CCDC91: variants seen among roughly 807,000 people sequenced by gnomAD.
CCDC91 encodes coiled-coil domain-containing protein 91.
Under a neutral mutation model 63.2 loss-of-function variants are expected in CCDC91, and 48 were observed. The observed-to-expected ratio is 0.76, with a 90% CI of 0.60 to 0.97. The LOEUF is 0.97. Among genes scored for constraint, CCDC91 ranks in the 50% least tolerant of loss-of-function variants. The pLI is 0.00. For missense variants in CCDC91, 500 were observed against 494.6 expected (o/e 1.01, Z -0.10); for synonymous variants, 167 against 165.8 (o/e 1.01, Z -0.06).
chr12:28,344,223 A>G (rs922265427), intron 6 of CCDC91, among the ~76,000 whole-genome samples: 2 of 152,122 alleles, frequency 1.3e-5, no homozygotes, highest in African/African-American at 4.8e-5. Flanking sequence ...ACTTGGAGTT[A>G]ATAAAACCAC....
At chr12:28,531,108 G>A (rs746463595) in intron 12 of CCDC91, among the ~76,000 whole-genome samples, 33 of 152,078 alleles carry the variant, frequency 2.2e-4, no homozygotes, top group Non-Finnish European at 2.2e-4. Context: ...TTTACGATTT[G>A]GAATGTTATC....
chr12:28,268,786 A>T (rs1306376963), intron 3 of CCDC91: 4 of 489,518 alleles, frequency 8.2e-6, no homozygotes, highest in Non-Finnish European at 1.1e-5. Flanking sequence ...TGAATAGTGC[A>T]ATATGAGACT....
chr12:28,373,500 TTTG>T (rs1183752574), intron 7 of CCDC91, among the ~76,000 whole-genome samples: 2 of 152,202 alleles, frequency 1.3e-5, no homozygotes, highest in Admixed American at 1.3e-4. Context: ...GTCATTTTTG[TTTG>T]TTATTTATCC....
intron 6 of CCDC91, among the ~76,000 whole-genome samples, chr12:28,320,890 C>T (rs561391715): frequency 3.3e-5 from 5 of 151,850 alleles, no homozygotes; most frequent in South Asian, 2.1e-4. Flanking sequence ...GTGATTTAAG[C>T]GATATTGCTA....
intron 12 of CCDC91, among the ~76,000 whole-genome samples, chr12:28,506,735 G>A (rs769815384): frequency 6.6e-6 from 1 of 151,742 alleles, no homozygotes; most frequent in Non-Finnish European, 1.5e-5. Flanking sequence ...GCTTGTGCAA[G>A]GTCACACCAC....
At chr12:28,462,769 T>G (rs1478991293) in intron 11 of CCDC91, among the ~76,000 whole-genome samples, 1 of 152,132 alleles carries the variant, frequency 6.6e-6, no homozygotes, top group East Asian at 1.9e-4. Flanking sequence ...CTGATTATTA[T>G]AATTTTGAGC....
intron 12 of CCDC91, among the ~76,000 whole-genome samples, chr12:28,528,251 G>A (rs1242134639): frequency 6.6e-6 from 1 of 151,988 alleles, no homozygotes; most frequent in East Asian, 1.9e-4. Flanking sequence ...CCTTGCTAGG[G>A]GACCCTAGCA....
chr12:28,479,506 C>G (rs1490881930), intron 11 of CCDC91, among the ~76,000 whole-genome samples: 1 of 151,974 alleles, frequency 6.6e-6, no homozygotes, highest in Non-Finnish European at 1.5e-5. Flanking sequence ...GGAGATATAC[C>G]TAATGTAAAT....
chr12:28,479,160 A>G (rs985098057), intron 11 of CCDC91, among the ~76,000 whole-genome samples: 3 of 152,184 alleles, frequency 2.0e-5, no homozygotes, highest in African/African-American at 4.8e-5. Flanking sequence ...AGACACATGC[A>G]CATGTATGTT....
At chr12:28,434,439 C>A (rs1485246465) in intron 8 of CCDC91, among the ~76,000 whole-genome samples, 1 of 151,318 alleles carries the variant, frequency 6.6e-6, no homozygotes, top group African/African-American at 2.4e-5. Flanking sequence ...GTTGAGCTAT[C>A]CTTGCATACC....
At chr12:28,438,092 CTA>C (rs1235909324) in intron 8 of CCDC91, among the ~76,000 whole-genome samples, 2 of 152,066 alleles carry the variant, frequency 1.3e-5, no homozygotes, top group Non-Finnish European at 2.9e-5. Flanking sequence ...CTCAAAAGTA[CTA>C]TGTTAATTGT....
chr12:28,329,667 G>A (rs1238377937), intron 6 of CCDC91, among the ~76,000 whole-genome samples: 7 of 151,894 alleles, frequency 4.6e-5, no homozygotes, highest in Non-Finnish European at 7.4e-5. Flanking sequence ...TGCACAACGC[G>A]CAGGTTTGTT....
At chr12:28,396,421 C>A (rs1592543872) in intron 8 of CCDC91, among the ~76,000 whole-genome samples, 2 of 152,078 alleles carry the variant, frequency 1.3e-5, no homozygotes, top group South Asian at 4.1e-4. Context: ...AGAAATACTA[C>A]TGTGGCTAAA....
At position 28,247,429 on chromosome 12, in the gene CCDC91, G is replaced by A. The variant is rs190471307; in HGVS notation, c.-14-9773G>A. 7.5e-4 allele frequency among the ~76,000 whole-genome samples: 112 copies of A among 149,336 alleles called. No individual in the cohort carries two copies. The East Asian group carries it at 0.016, about 22-fold the overall frequency. On this transcript the variant is annotated intron_variant, in intron 1 of 12. Transcript: ENST00000536442. ...CGGGAGGCGGAGCTTGCAGTTAGCC[G>A]AGACCGGGCCACTGCACTCCAGCCT...
chr12:28,242,116 A>G (rs375591550), intron 1 of CCDC91, among the ~76,000 whole-genome samples: 18 of 151,260 alleles, frequency 1.2e-4, no homozygotes, highest in African/African-American at 3.7e-4. Flanking sequence ...TTTTTCTTCT[A>G]ATTTTGTCTT....
chr12:28,320,361 C>T (rs554617687), intron 6 of CCDC91, among the ~76,000 whole-genome samples: 1 of 151,882 alleles, frequency 6.6e-6, no homozygotes, highest in African/African-American at 2.4e-5. Context: ...TACATGTTTT[C>T]GACAAGTGCT....
intron 12 of CCDC91, among the ~76,000 whole-genome samples, chr12:28,494,448 G>A (rs1276437629): frequency 6.6e-6 from 1 of 151,668 alleles, no homozygotes; most frequent in Non-Finnish European, 1.5e-5. Context: ...ACTTTGTAAA[G>A]CCTATCCTGG....
At chr12:28,353,789 T>C (rs566040564) in intron 6 of CCDC91, among the ~76,000 whole-genome samples, 3 of 152,240 alleles carry the variant, frequency 2.0e-5, no homozygotes, top group African/African-American at 7.2e-5. Context: ...TTTTGAAATA[T>C]TGTTACAATT....
intron 8 of CCDC91, among the ~76,000 whole-genome samples, chr12:28,402,549 ACTCTT>A (rs1946694669): frequency 3.0e-5 from 1 of 33,392 alleles, no homozygotes; most frequent in African/African-American, 1.1e-4. Flanking sequence ...TTTTTTGTCT[ACTCTT>A]TGGATTTTCT....
Sources: gnomAD v4.1 joint callset for allele counts (sites outside exome capture counted in the v4.1 genomes callset) on GRCh38, gnomAD v4.1.1 for gene constraint, MANE v1.5 for transcripts, NCBI Gene and HGNC (gene_info 2026-07-23, HGNC 2026-07-21) for gene names.